MGAT4C: variants seen among roughly 807,000 people sequenced by gnomAD.
MGAT4C encodes the protein alpha-1,3-mannosyl-glycoprotein 4-beta-N-acetylglucosaminyltransferase C.
A neutral mutation model predicts 40.1 loss-of-function variants in MGAT4C; 19 were observed. That is an observed-to-expected ratio of 0.47 (90% CI 0.33 to 0.70). MGAT4C has a LOEUF of 0.70. Among genes scored for constraint, MGAT4C ranks in the 30% least tolerant of loss-of-function variants. The pLI, the probability that MGAT4C is intolerant of heterozygous loss-of-function variation, is 0.02. For synonymous variants in MGAT4C, 181 were observed against 187.1 expected (o/e 0.97, Z 0.27); for missense variants, 491 against 563.2 (o/e 0.87, Z 1.30).
chr12:86,121,608 T>C (rs972148620), intron 1 of MGAT4C, among the ~76,000 whole-genome samples: 1 of 152,042 alleles, frequency 6.6e-6, no homozygotes, highest in East Asian at 1.9e-4. Flanking sequence ...TCTTAAAGAA[T>C]AGAATTTTCA....
intron 3 of MGAT4C, among the ~76,000 whole-genome samples, chr12:86,357,743 A>C (rs1437417078): frequency 6.6e-6 from 1 of 152,188 alleles, no homozygotes; most frequent in African/African-American, 2.4e-5. Flanking sequence ...TTGAAGATCA[A>C]ATGAATGAAA....
intron 1 of MGAT4C, among the ~76,000 whole-genome samples, chr12:86,813,118 T>C (rs529494914): frequency 6.6e-6 from 1 of 152,124 alleles, no homozygotes; most frequent in African/African-American, 2.4e-5. Context: ...GTCTTTTGCT[T>C]GCCTCTTGAG....
chr12:86,191,148 G>A (rs909518186), intron 1 of MGAT4C, among the ~76,000 whole-genome samples: 1 of 147,372 alleles, frequency 6.8e-6, no homozygotes, highest in Non-Finnish European at 1.5e-5. Flanking sequence ...TATAGGGTCT[G>A]TTTCTCTAAA....
chr12:86,407,558 T>C (rs900594732), intron 3 of MGAT4C, among the ~76,000 whole-genome samples: 1 of 152,102 alleles, frequency 6.6e-6, no homozygotes, highest in Non-Finnish European at 1.5e-5. Flanking sequence ...TACTCTATTG[T>C]GGTTCAGTGG....
chr12:86,077,218 T>C (rs1869902931), intron 1 of MGAT4C, among the ~76,000 whole-genome samples: 2 of 152,134 alleles, frequency 1.3e-5, no homozygotes, highest in South Asian at 2.1e-4. Flanking sequence ...ACTTGTCAAC[T>C]TGAACCCATA....
intron 2 of MGAT4C, among the ~76,000 whole-genome samples, chr12:86,486,002 A>T (rs917428420): frequency 5.3e-5 from 8 of 152,164 alleles, no homozygotes; most frequent in African/African-American, 1.9e-4. Flanking sequence ...AAGAGAAATA[A>T]CATCCTTCTC....
At chr12:86,182,696 G>A (rs977036729) in intron 1 of MGAT4C, among the ~76,000 whole-genome samples, 2 of 151,868 alleles carry the variant, frequency 1.3e-5, no homozygotes, top group African/African-American at 4.8e-5. Flanking sequence ...GTTGACAAAA[G>A]TCAATGATAG....
chr12:86,258,628 G>A (rs1264646478), upstream of MGAT4C, among the ~76,000 whole-genome samples: 1 of 151,948 alleles, frequency 6.6e-6, no homozygotes, highest in Non-Finnish European at 1.5e-5. Flanking sequence ...AGTGAATAAG[G>A]TACCTAGTAA....
At chr12:86,792,497 C>A (rs963460829) in intron 1 of MGAT4C, among the ~76,000 whole-genome samples, 6 of 151,990 alleles carry the variant, frequency 3.9e-5, no homozygotes, top group Non-Finnish European at 8.8e-5. Context: ...CCTAGTATAT[C>A]CACATAAACA....
chr12:86,385,397 T>C (rs1956031546), intron 3 of MGAT4C, among the ~76,000 whole-genome samples: 2 of 152,186 alleles, frequency 1.3e-5, no homozygotes, highest in South Asian at 2.1e-4. Flanking sequence ...TTATTAAATG[T>C]CATTTATATC....
At chr12:86,765,835 C>A (rs1951495588) in intron 1 of MGAT4C, among the ~76,000 whole-genome samples, 1 of 152,084 alleles carries the variant, frequency 6.6e-6, no homozygotes, top group African/African-American at 2.4e-5. Context: ...TTTGTCACCA[C>A]CAGGCCTGCC....
intron 2 of MGAT4C, among the ~76,000 whole-genome samples, chr12:86,520,379 T>C (rs1391886657): frequency 6.6e-6 from 1 of 152,190 alleles, no homozygotes; most frequent in Non-Finnish European, 1.5e-5. Context: ...GCTCCATCCA[T>C]GTTCTTGCAA....
chr12:86,424,467 T>A (rs1364819933), intron 3 of MGAT4C, among the ~76,000 whole-genome samples: 1 of 152,134 alleles, frequency 6.6e-6, no homozygotes, highest in Non-Finnish European at 1.5e-5. Context: ...TTCTTAAAAA[T>A]TATATTTAAC....
At chr12:86,663,841 C>T (rs1964037726) in intron 2 of MGAT4C, among the ~76,000 whole-genome samples, 1 of 152,124 alleles carries the variant, frequency 6.6e-6, no homozygotes, top group Admixed American at 6.6e-5. Context: ...AAAATCTATG[C>T]AACTCAATTT....
chr12:86,626,516 T>C (rs1962809598), intron 2 of MGAT4C, among the ~76,000 whole-genome samples: 1 of 152,180 alleles, frequency 6.6e-6, no homozygotes, highest in South Asian at 2.1e-4. Context: ...AAGAGAAAGT[T>C]ACTCTATAAG....
At chr12:86,755,542 TTTTTC>T (rs1273006084) in intron 1 of MGAT4C, among the ~76,000 whole-genome samples, 6 of 152,158 alleles carry the variant, frequency 3.9e-5, no homozygotes, top group Middle Eastern at 3.4e-3. Flanking sequence ...AGTGAATTAT[TTTTTC>T]TTTTCTTTTC....
chr12:86,012,733 C>G (rs1888592890), intron 2 of MGAT4C, among the ~76,000 whole-genome samples: 1 of 148,998 alleles, frequency 6.7e-6, no homozygotes, highest in South Asian at 2.1e-4. Context: ...GCCTGGGCAG[C>G]AAGAGAGAAA....
Position 85,963,013 on chromosome 12 carries a change from C to A in MGAT4C, c.*16276G>T, listed in dbSNP as rs1214241937. Reference sequence around the variant, plus strand: ...CTGATCTTTTTAAGTGGCAAATTGTCCAAAAGAATTTAATTAATATAAACA... The same window carrying A: ...CTGATCTTTTTAAGTGGCAAATTGTACAAAAGAATTTAATTAATATAAACA... On this transcript the variant is annotated 3_prime_UTR_variant, in exon 5 of 5. Coordinates refer to ENST00000611864, the MANE Select transcript of MGAT4C (RefSeq NM_001351288.2). 5 of 151,592 alleles carry A rather than the reference C, an allele frequency of 3.3e-5. No homozygotes were observed. The allele number at this position is 151,592 out of a possible 1,614,324, so 9.4% of individuals were successfully genotyped here. A position where few individuals can be genotyped will look rare whatever the true frequency, so the allele number is the denominator to read the frequency against.
intron 3 of MGAT4C, among the ~76,000 whole-genome samples, chr12:86,429,380 T>TG (rs1956990076): frequency 6.6e-6 from 1 of 152,184 alleles, no homozygotes; most frequent in Admixed American, 6.5e-5. Flanking sequence ...TACCTTAGCA[T>TG]GTGATCTATT....
Sources: gnomAD v4.1 joint callset for allele counts (sites outside exome capture counted in the v4.1 genomes callset) on GRCh38, gnomAD v4.1.1 for gene constraint, MANE v1.5 for transcripts, NCBI Gene and HGNC (gene_info 2026-07-23, HGNC 2026-07-21) for gene names.